Variants in LRP1B observed in about 807,000 individuals in gnomAD.
LRP1B encodes low-density lipoprotein receptor-related protein 1B.
Under a neutral mutation model 556.6 loss-of-function variants are expected in LRP1B, and 217 were observed. The observed-to-expected ratio is 0.39, with a 90% CI of 0.35 to 0.44. LRP1B has a LOEUF of 0.44. LRP1B is among the 20% of genes least tolerant of loss of function. LRP1B has a pLI of 1.00. For missense variants in LRP1B, 5,053 were observed against 5,620.8 expected (o/e 0.90, Z 3.23); for synonymous variants, 2,047 against 1,865.8 (o/e 1.10, Z -2.50).
rs1251906430 is a variant in LRP1B, at chr2:140,498,229, T to C, written c.8851-2481A>G. Among the ~76,000 whole-genome samples, 3 of 152,044 alleles carry C rather than the reference T, an allele frequency of 2.0e-5. No individual in the cohort carries two copies. The East Asian group carries it at 5.8e-4, about 29-fold the overall frequency. ...CACCATTCCAAATTATTTAGAATCT[T>C]CTTGAGTTACATTAATTTTTATAAG... On this transcript the variant is annotated intron_variant, in intron 55 of 90. Coordinates refer to ENST00000389484, the MANE Select transcript of LRP1B (RefSeq NM_018557.3).
chr2:142,035,727 T>C (rs527926463), intron 1 of LRP1B, among the ~76,000 whole-genome samples: 2 of 151,706 alleles, frequency 1.3e-5, no homozygotes, highest in East Asian at 3.9e-4. Context: ...CAAACCAATC[T>C]CAACTTTGCC....
At chr2:140,529,278 CT>C (rs1401935365) in intron 47 of LRP1B, among the ~76,000 whole-genome samples, 1 of 152,022 alleles carries the variant, frequency 6.6e-6, no homozygotes, top group African/African-American at 2.4e-5. Context: ...CTTCCACTTT[CT>C]TTTTAGCATG....
At chr2:141,156,364 C>G (rs949819364) in intron 7 of LRP1B, among the ~76,000 whole-genome samples, 1 of 152,092 alleles carries the variant, frequency 6.6e-6, no homozygotes, top group Admixed American at 6.6e-5. Flanking sequence ...CGCATTAGCT[C>G]TTGCCTGTAA....
chr2:140,770,698 T>C lies in LRP1B; in HGVS notation c.5626+183A>G, dbSNP rs577244208. On this transcript the variant is annotated intron_variant, in intron 34 of 90. Coordinates refer to ENST00000389484, the MANE Select transcript of LRP1B (RefSeq NM_018557.3). Reference sequence around the variant, plus strand: ...TAGAATGTCTTATAAGGCAGAACAATGATATTTTAAATATTTCAAATATTA... The same window carrying C: ...TAGAATGTCTTATAAGGCAGAACAACGATATTTTAAATATTTCAAATATTA... Among the ~76,000 whole-genome samples, 3 of 152,200 alleles carry C rather than the reference T, an allele frequency of 2.0e-5. No individual in the cohort carries two copies. In the South Asian group the frequency reaches 6.2e-4, roughly 32 times the overall value.
intron 1 of LRP1B, among the ~76,000 whole-genome samples, chr2:141,828,189 C>T (rs377488479): frequency 1.6e-4 from 25 of 151,768 alleles, no homozygotes; most frequent in South Asian, 4.2e-4. Context: ...TGATCTGGAA[C>T]GATAAACATA....
chr2:141,925,928 T>C (rs1289618112), intron 1 of LRP1B, among the ~76,000 whole-genome samples: 2 of 152,126 alleles, frequency 1.3e-5, no homozygotes, highest in Non-Finnish European at 2.9e-5. Context: ...GATAATAGCT[T>C]CCATCTGATG....
At chr2:140,678,631 G>A (rs533799025) in intron 41 of LRP1B, among the ~76,000 whole-genome samples, 1 of 152,210 alleles carries the variant, frequency 6.6e-6, no homozygotes. Flanking sequence ...TATTGCATTA[G>A]TTTGTTAGGG....
intron 2 of LRP1B, among the ~76,000 whole-genome samples, chr2:141,612,483 T>C (rs926361648): frequency 1.3e-5 from 2 of 152,228 alleles, no homozygotes; most frequent in African/African-American, 2.4e-5. Context: ...GGCAGAGAGC[T>C]GTGCAGGGTA....
chr2:140,617,133 T>A (rs1184341771), intron 41 of LRP1B, among the ~76,000 whole-genome samples: 1 of 151,886 alleles, frequency 6.6e-6, no homozygotes, highest in Non-Finnish European at 1.5e-5. Context: ...ATTTTAAGAG[T>A]TTATGCTATT....
At chr2:140,409,164 A>G (rs1459414078) in intron 66 of LRP1B, among the ~76,000 whole-genome samples, 1 of 151,992 alleles carries the variant, frequency 6.6e-6, no homozygotes. Flanking sequence ...TGATGAATTC[A>G]TTGGCCTGTA....
chr2:141,196,969 A>T (rs1681779832), intron 6 of LRP1B, among the ~76,000 whole-genome samples: 1 of 152,122 alleles, frequency 6.6e-6, no homozygotes, highest in Non-Finnish European at 1.5e-5. Context: ...AATAAGTTTC[A>T]TGAGATCTGA....
intron 3 of LRP1B, among the ~76,000 whole-genome samples, chr2:141,363,873 A>C (rs1277557228): frequency 6.6e-6 from 1 of 152,172 alleles, no homozygotes; most frequent in African/African-American, 2.4e-5. Flanking sequence ...AATTTCCCCA[A>C]TTATAATTTG....
Position 141,557,936 on chromosome 2 carries a change from T to C in LRP1B, c.206-77403A>G, listed in dbSNP as rs114583643. On this transcript the variant is annotated intron_variant, in intron 2 of 90. Transcript: ENST00000389484. ...TGGTCCTTATTCAGCCACAGCCACC[T>C]ACACAGTTGTTTTTGGCCAGAATAC... Among the ~76,000 whole-genome samples, 434 of 151,996 alleles carry C rather than the reference T, an allele frequency of 2.9e-3. 4 individuals carry two copies. The highest frequency in any genetic ancestry group is 0.01 in the African/African-American group (419 of 41,504).
intron 1 of LRP1B, among the ~76,000 whole-genome samples, chr2:141,859,323 C>T (rs1221661137): frequency 6.6e-6 from 1 of 152,138 alleles, no homozygotes. Context: ...GTCTTTGCAT[C>T]TCGACCTGAA....
intron 67 of LRP1B, among the ~76,000 whole-genome samples, chr2:140,379,732 G>A (rs981536064): frequency 2.0e-5 from 3 of 151,914 alleles, no homozygotes; most frequent in Admixed American, 2.0e-4. Flanking sequence ...TCAGAACATT[G>A]GATGGGAAGA....
intron 32 of LRP1B, among the ~76,000 whole-genome samples, chr2:140,800,401 T>C (rs1559126747): frequency 6.6e-6 from 1 of 152,162 alleles, no homozygotes; most frequent in East Asian, 1.9e-4. Context: ...AGTATAATAA[T>C]TAAAAAAAAG....
At chr2:140,243,386 A>C (rs1370124182) in intron 87 of LRP1B, among the ~76,000 whole-genome samples, 1 of 151,116 alleles carries the variant, frequency 6.6e-6, no homozygotes, top group Non-Finnish European at 1.5e-5. Context: ...GTAGAAGAGA[A>C]ACCAGAAGTG....
At chr2:140,403,255 T>A (rs1240957811) in intron 66 of LRP1B, among the ~76,000 whole-genome samples, 1 of 152,012 alleles carries the variant, frequency 6.6e-6, no homozygotes, top group Non-Finnish European at 1.5e-5. Flanking sequence ...TCACACTAGT[T>A]CCCCAGCAAT....
chr2:141,023,178 A>G (rs1698114244), intron 11 of LRP1B, among the ~76,000 whole-genome samples: 1 of 151,998 alleles, frequency 6.6e-6, no homozygotes, highest in South Asian at 2.1e-4. Flanking sequence ...TCAAATTATT[A>G]TAATTTCTAC....
Sources: gnomAD v4.1 joint callset for allele counts (sites outside exome capture counted in the v4.1 genomes callset) on GRCh38, gnomAD v4.1.1 for gene constraint, MANE v1.5 for transcripts, NCBI Gene and HGNC (gene_info 2026-07-23, HGNC 2026-07-21) for gene names.